The following LIMCH1 variants were observed in gnomAD, a reference collection of about 807,000 sequenced individuals.
LIMCH1 encodes LIM and calponin homology domains-containing protein 1.
In LIMCH1, 113 loss-of-function variants were observed where a neutral mutation model predicts 176.5. That is an observed-to-expected ratio of 0.64 (90% confidence interval 0.55 to 0.75). The LOEUF (loss-of-function observed/expected upper bound fraction) is 0.75. LIMCH1 is among the 30% of genes least tolerant of loss of function. LIMCH1 has a pLI of 0.00. For synonymous variants in LIMCH1, 619 were observed against 645.9 expected, an observed-to-expected ratio of 0.96 and a Z score of 0.63; for missense variants, 1,674 against 1,814.9, an observed-to-expected ratio of 0.92 and a Z score of 1.41.
intron 1 of LIMCH1, among the ~76,000 whole-genome samples, chr4:41,438,361 T>TTTTTA (rs2062319578): frequency 6.6e-6 from 1 of 152,020 alleles, no homozygotes; most frequent in African/African-American, 2.4e-5. Flanking sequence ...TGCCTTTTAA[T>TTTTTA]TTTTCTTTTC....
chr4:41,467,158 TACACACACACACACACACAC>T (rs148147336), intron 1 of LIMCH1, among the ~76,000 whole-genome samples: 1 of 143,464 alleles, frequency 7.0e-6, no homozygotes, highest in Non-Finnish European at 1.5e-5. Context: ...TATGTATATA[TACACACACACACACACACAC>T]ACACACACAC....
chr4:41,514,682 A>G (rs971348784), intron 2 of LIMCH1, among the ~76,000 whole-genome samples: 2 of 152,192 alleles, frequency 1.3e-5, no homozygotes, highest in Non-Finnish European at 2.9e-5. Flanking sequence ...TTTTTAGGCA[A>G]TTACCTCTGG....
chr4:41,674,326 G>A (rs1415327367), intron 22 of LIMCH1, among the ~76,000 whole-genome samples: 1 of 151,938 alleles, frequency 6.6e-6, no homozygotes, highest in African/African-American at 2.4e-5. Flanking sequence ...AGTGTTTTTT[G>A]TATGGCTTTA....
At chr4:41,424,779 T>C (rs1471124691) in intron 1 of LIMCH1, among the ~76,000 whole-genome samples, 1 of 152,242 alleles carries the variant, frequency 6.6e-6, no homozygotes, top group Non-Finnish European at 1.5e-5. Flanking sequence ...CTTATGTTGC[T>C]GTTAGCTGTT....
intron 1 of LIMCH1, among the ~76,000 whole-genome samples, chr4:41,484,339 A>G (rs1390904559): frequency 2.6e-5 from 4 of 152,216 alleles, no homozygotes; most frequent in African/African-American, 9.7e-5. Flanking sequence ...TGACTGACAT[A>G]AAACAGGAAT....
Position 41,613,284 on chromosome 4 carries a change from A to T in LIMCH1, c.10-182A>T, listed in dbSNP as rs111713860. On this transcript the variant is annotated intron_variant, in intron 4 of 31. Transcript: ENST00000503057. Reference sequence around the variant, plus strand: ...ATTTTCTGATTGGGAAAGTTGCAGCAAAGGAGGCTCCAGGAACAGAGCAGT... The same window carrying T: ...ATTTTCTGATTGGGAAAGTTGCAGCTAAGGAGGCTCCAGGAACAGAGCAGT... Among the ~76,000 whole-genome samples the T allele has an allele frequency of 6.6e-5, 10 of 152,148 alleles. 1 individual carries two copies. The highest frequency in any genetic ancestry group is 2.4e-4 in the African/African-American group (10 of 41,490).
At chr4:41,440,365 C>G (rs774539648) in intron 1 of LIMCH1, among the ~76,000 whole-genome samples, 2 of 152,118 alleles carry the variant, frequency 1.3e-5, no homozygotes, top group African/African-American at 4.8e-5. Flanking sequence ...AGAATAAAAC[C>G]TGTCAGAAGT....
chr4:41,677,058 GA>G (rs1264897764), intron 23 of LIMCH1, among the ~76,000 whole-genome samples: 1 of 152,012 alleles, frequency 6.6e-6, no homozygotes, highest in Non-Finnish European at 1.5e-5. Context: ...TGCTACTCGG[GA>G]GGTTGAGACA....
intron 1 of LIMCH1, among the ~76,000 whole-genome samples, chr4:41,576,091 T>C (rs1388935131): frequency 6.6e-6 from 1 of 152,222 alleles, no homozygotes; most frequent in Non-Finnish European, 1.5e-5. Flanking sequence ...GCAATACATT[T>C]ACAAAGTGTT....
intron 1 of LIMCH1, among the ~76,000 whole-genome samples, chr4:41,447,230 G>A (rs928353018): frequency 1.3e-5 from 2 of 152,154 alleles, no homozygotes; most frequent in East Asian, 1.9e-4. Context: ...GCGAGACCCT[G>A]TCTCAACAAC....
chr4:41,534,803 A>G (rs759884713), upstream of LIMCH1, among the ~76,000 whole-genome samples: 21 of 152,140 alleles, frequency 1.4e-4, no homozygotes, highest in Non-Finnish European at 2.4e-4. Flanking sequence ...GATATGGAGA[A>G]AGGAGTGAAA....
At chr4:41,421,314 T>C (rs1436655981) in intron 1 of LIMCH1, among the ~76,000 whole-genome samples, 1 of 152,158 alleles carries the variant, frequency 6.6e-6, no homozygotes, top group Admixed American at 6.5e-5. Flanking sequence ...AAGACTTAAA[T>C]GGCGGGGAGA....
chr4:41,685,642 A>G, intron 27 of LIMCH1, 68 bp from the exon 28 acceptor site: 1 of 1,591,244 alleles, frequency 6.3e-7, no homozygotes, highest in Admixed American at 1.7e-5. Context: ...ACTTTAAAGA[A>G]AGGTGACTTC....
At chr4:41,593,044 A>T (rs945774454) in intron 1 of LIMCH1, among the ~76,000 whole-genome samples, 2 of 152,140 alleles carry the variant, frequency 1.3e-5, no homozygotes, top group African/African-American at 4.8e-5. Context: ...ACTTTGCTAC[A>T]CTCTGGGGTA....
chr4:41,652,030 G>C (rs1032852226), intron 18 of LIMCH1, among the ~76,000 whole-genome samples: 7 of 152,140 alleles, frequency 4.6e-5, no homozygotes, highest in Non-Finnish European at 1.0e-4. Context: ...AGTTTCTGCT[G>C]TTCTAATTTA....
At chr4:41,646,083 A>G (rs201601102) in intron 15 of LIMCH1, 40 bp from the exon 16 acceptor site, 38 of 1,568,118 alleles carry the variant, frequency 2.4e-5, no homozygotes, top group Non-Finnish European at 3.1e-5. Context: ...AATTATGCAC[A>G]AGTCTGAAGA....
chr4:41,441,218 A>G (rs1262152409), intron 1 of LIMCH1, among the ~76,000 whole-genome samples: 1 of 152,234 alleles, frequency 6.6e-6, no homozygotes, highest in African/African-American at 2.4e-5. Flanking sequence ...ATAGTAATCA[A>G]TGAAAAATGA....
chr4:41,449,900 C>T (rs975897563), intron 1 of LIMCH1, among the ~76,000 whole-genome samples: 1 of 152,190 alleles, frequency 6.6e-6, no homozygotes, highest in Non-Finnish European at 1.5e-5. Flanking sequence ...AGGATCTGTG[C>T]CAGGCTTCTT....
At chr4:41,575,554 A>C (rs1001862659) in intron 1 of LIMCH1, among the ~76,000 whole-genome samples, 1 of 152,386 alleles carries the variant, frequency 6.6e-6, no homozygotes, top group East Asian at 1.9e-4. Context: ...ACTACTTGGC[A>C]TACAAATTTA....
Sources: gnomAD v4.1 joint callset for allele counts (sites outside exome capture counted in the v4.1 genomes callset) on GRCh38, gnomAD v4.1.1 for gene constraint, MANE v1.5 for transcripts, NCBI Gene and HGNC (gene_info 2026-07-23, HGNC 2026-07-21) for gene names.